GPHN: variants seen among roughly 807,000 people sequenced by gnomAD.
The protein encoded by GPHN is gephyrin.
A neutral mutation model predicts 95.5 loss-of-function variants in GPHN; 17 were observed. The ratio of observed to expected loss-of-function variants is 0.18; its 90% CI spans 0.12 to 0.27. GPHN has a LOEUF of 0.27. Among genes scored for constraint, GPHN ranks in the 10% least tolerant of loss-of-function variants. The pLI, the probability that GPHN is intolerant of heterozygous loss-of-function variation, is 1.00. For missense variants in GPHN, 660 were observed against 978.1 expected (o/e 0.67, Z 4.34); for synonymous variants, 320 against 322.5 (o/e 0.99, Z 0.08).
At chr14:67,396,839 G>A in the GPHN span, among the ~76,000 whole-genome samples, 1 of 152,174 alleles carries the variant, frequency 6.6e-6, no homozygotes, top group Non-Finnish European at 1.5e-5. Context: ...AATAAAATCA[G>A]CAACTCTATG....
At chr14:66,892,719 C>T (rs1268319688) in intron 5 of GPHN, among the ~76,000 whole-genome samples, 1 of 151,924 alleles carries the variant, frequency 6.6e-6, no homozygotes, top group African/African-American at 2.4e-5. Context: ...TAACCAAATG[C>T]ATAAAGAAAA....
intron 5 of GPHN, among the ~76,000 whole-genome samples, chr14:66,904,425 G>A (rs2065272940): frequency 6.6e-6 from 1 of 152,168 alleles, no homozygotes; most frequent in African/African-American, 2.4e-5. Flanking sequence ...ACAGAGCGGT[G>A]ATTGGTGCGT....
At chr14:67,251,395 TG>T in the GPHN span, among the ~76,000 whole-genome samples, 1 of 152,084 alleles carries the variant, frequency 6.6e-6, no homozygotes, top group Non-Finnish European at 1.5e-5. Flanking sequence ...TAGCTGGACT[TG>T]GTGGTGTGTG....
the GPHN span, among the ~76,000 whole-genome samples, chr14:67,413,165 A>G: frequency 6.6e-6 from 1 of 152,362 alleles, no homozygotes; most frequent in East Asian, 1.9e-4. Flanking sequence ...ATCAACAACA[A>G]TGTTCTATCA....
chr14:67,734,619 G>GT, the GPHN span, among the ~76,000 whole-genome samples: 5 of 152,204 alleles, frequency 3.3e-5, no homozygotes, highest in Non-Finnish European at 7.3e-5. Context: ...CAGCTGGAAT[G>GT]TAAGATCCTC....
At chr14:66,619,919 T>C (rs553128078) in intron 1 of GPHN, among the ~76,000 whole-genome samples, 12 of 152,292 alleles carry the variant, frequency 7.9e-5, no homozygotes, top group African/African-American at 2.6e-4. Flanking sequence ...GATAGAGAGA[T>C]GGCTTTATGG....
intron 6 of GPHN, among the ~76,000 whole-genome samples, chr14:66,921,735 A>G (rs2066227810): frequency 1.3e-5 from 2 of 152,150 alleles, no homozygotes; most frequent in African/African-American, 4.8e-5. Flanking sequence ...GGCACCAAAA[A>G]AGAGCCCGCA....
chr14:66,875,645 C>A (rs564978902), intron 4 of GPHN, among the ~76,000 whole-genome samples: 105 of 152,114 alleles, frequency 6.9e-4, no homozygotes, highest in South Asian at 2.1e-3. Flanking sequence ...CAACAAAGAT[C>A]AAAAAAGACA....
chr14:66,741,176 G>A (rs111958179), intron 2 of GPHN, among the ~76,000 whole-genome samples: 2 of 152,016 alleles, frequency 1.3e-5, no homozygotes, highest in African/African-American at 4.8e-5. Context: ...TGCTTTTTGG[G>A]GAACACATTC....
At chr14:66,932,216 A>G (rs1309679365) in intron 8 of GPHN, among the ~76,000 whole-genome samples, 3 of 151,984 alleles carry the variant, frequency 2.0e-5, no homozygotes, top group African/African-American at 7.3e-5. Context: ...ACTTTTCCCC[A>G]AACAAACTTA....
chr14:67,387,220 C>T, the GPHN span: 13 of 1,029,996 alleles, frequency 1.3e-5, no homozygotes, highest in Non-Finnish European at 1.7e-5. Flanking sequence ...CTCTCCAAAG[C>T]AGTACAAAAC....
At chr14:67,614,325 C>T in the GPHN span, among the ~76,000 whole-genome samples, 1 of 152,214 alleles carries the variant, frequency 6.6e-6, no homozygotes, top group Non-Finnish European at 1.5e-5. Context: ...TTTTCTGCCA[C>T]TACACTGCCT....
the GPHN span, among the ~76,000 whole-genome samples, chr14:67,686,642 A>AGC: frequency 6.8e-6 from 1 of 148,078 alleles, no homozygotes; most frequent in Non-Finnish European, 1.5e-5. Flanking sequence ...CCGGTGCAAA[A>AGC]AAAAAAAAAA....
intron 21 of GPHN, among the ~76,000 whole-genome samples, chr14:67,176,111 A>G (rs922825140): frequency 3.3e-5 from 5 of 152,116 alleles, no homozygotes; most frequent in African/African-American, 4.8e-5. Context: ...TTCCAATACT[A>G]TGTTGAATAG....
At chr14:67,135,799 C>G (rs886741852) in intron 17 of GPHN, among the ~76,000 whole-genome samples, 1 of 151,972 alleles carries the variant, frequency 6.6e-6, no homozygotes, top group Admixed American at 6.6e-5. Flanking sequence ...CTATCTCTTC[C>G]TTTATTTCCT....
chr14:67,289,768 CCTTT>C, the GPHN span, among the ~76,000 whole-genome samples: 4 of 95,476 alleles, frequency 4.2e-5, no homozygotes, highest in Admixed American at 2.3e-4. Flanking sequence ...TTTTCCATGT[CCTTT>C]TTTTTTTTTT....
the GPHN span, among the ~76,000 whole-genome samples, chr14:67,288,708 G>GGTA: frequency 5.9e-5 from 9 of 151,958 alleles, no homozygotes; most frequent in Non-Finnish European, 1.2e-4. Context: ...GGAATTCTTT[G>GGTA]GTAACCTCAT....
intron 3 of GPHN, among the ~76,000 whole-genome samples, chr14:66,783,112 C>G (rs1437364574): frequency 5.9e-5 from 9 of 152,174 alleles, no homozygotes; most frequent in African/African-American, 1.9e-4. Flanking sequence ...ACCTAAGAGG[C>G]AAGAATGGCT....
At chr14:67,631,434 CTTT>C in the GPHN span, among the ~76,000 whole-genome samples, 2 of 113,146 alleles carry the variant, frequency 1.8e-5, no homozygotes, top group Non-Finnish European at 1.7e-5. Context: ...TTCTTTCTTT[CTTT>C]TTTTTTTTTT....
Sources: allele counts gnomAD v4.1 joint callset (sites outside exome capture counted in the v4.1 genomes callset), GRCh38; gene constraint gnomAD v4.1.1; transcripts MANE v1.5; gene names NCBI Gene and HGNC (gene_info 2026-07-23, HGNC 2026-07-21).